CACNG3: variants seen among roughly 807,000 people sequenced by gnomAD.
CACNG3 encodes the protein voltage-dependent calcium channel gamma-3 subunit.
A neutral mutation model predicts 28.5 loss-of-function variants in CACNG3; 3 were observed. The observed-to-expected ratio is 0.11, with a 90% confidence interval of 0.05 to 0.27. CACNG3 has a LOEUF of 0.27. Among genes scored for constraint, CACNG3 ranks in the 10% least tolerant of loss-of-function variants. CACNG3 has a pLI of 1.00. For missense variants in CACNG3, 236 were observed against 414.4 expected (o/e 0.57, Z 3.74); for synonymous variants, 174 against 162.2 (o/e 1.07, Z -0.55).
chr16:24,287,874 C>T (rs955074922), intron 1 of CACNG3, among the ~76,000 whole-genome samples: 4 of 151,996 alleles, frequency 2.6e-5, no homozygotes, highest in Admixed American at 6.6e-5. Flanking sequence ...TTGGAGAGGC[C>T]GAGGGGAGAG....
intron 1 of CACNG3, among the ~76,000 whole-genome samples, chr16:24,280,450 C>T (rs1220779439): frequency 6.6e-6 from 1 of 152,148 alleles, no homozygotes; most frequent in African/African-American, 2.4e-5. Context: ...GAAGGATCGT[C>T]ATTTCTAATT....
At chr16:24,351,613 A>AGGG (rs1899941031) in intron 2 of CACNG3, among the ~76,000 whole-genome samples, 1 of 99,034 alleles carries the variant, frequency 1.0e-5, no homozygotes, top group Admixed American at 1.2e-4. Context: ...GGGGAAGGGG[A>AGGG]AGGGGAAGGA....
intron 1 of CACNG3, among the ~76,000 whole-genome samples, chr16:24,287,636 C>T (rs1469048043): frequency 6.6e-6 from 1 of 151,844 alleles, no homozygotes; most frequent in African/African-American, 2.4e-5. Context: ...CTCTCCAAGA[C>T]TCATGGTCTC....
rs560842663 is a variant in CACNG3 at position 24,326,201 on chromosome 16, C to T, written c.212-20533C>T. On this transcript the variant is annotated intron_variant, in intron 1 of 3. Coordinates refer to ENST00000005284, the MANE Select transcript of CACNG3 (RefSeq NM_006539.4). ...TTTTTTTTTTTTTGAGATGGAGTTTCGCTCTTGTTGCCCAGACTAGAGTGC... is the reference window on the plus strand; with the variant it reads ...TTTTTTTTTTTTTGAGATGGAGTTTTGCTCTTGTTGCCCAGACTAGAGTGC... Among the ~76,000 whole-genome samples, 5 of 143,146 alleles carry T rather than the reference C, an allele frequency of 3.5e-5. No homozygotes were observed. In the South Asian group the frequency reaches 6.5e-4, roughly 19 times the overall value. 93.9% of individuals were successfully genotyped at this position (143,146 alleles called of 152,430 possible). A position where few individuals can be genotyped will look rare whatever the true frequency, so the allele number is the denominator to read the frequency against.
intron 1 of CACNG3, among the ~76,000 whole-genome samples, chr16:24,328,621 C>T (rs920883985): frequency 6.6e-6 from 1 of 151,892 alleles, no homozygotes; most frequent in Non-Finnish European, 1.5e-5. Context: ...CAAGATATTT[C>T]GCATACTCAC....
intron 1 of CACNG3, among the ~76,000 whole-genome samples, chr16:24,266,968 C>CTTT (rs750145274): frequency 2.5e-4 from 34 of 137,358 alleles, no homozygotes; most frequent in African/African-American, 8.4e-4. Context: ...TTTTTAATTT[C>CTTT]TTTTTTTTTT....
At chr16:24,319,337 G>A (rs924264094) in intron 1 of CACNG3, among the ~76,000 whole-genome samples, 4 of 152,186 alleles carry the variant, frequency 2.6e-5, no homozygotes, top group African/African-American at 9.7e-5. Flanking sequence ...AGTTATCCTT[G>A]GCTACAAGGA....
intron 1 of CACNG3, among the ~76,000 whole-genome samples, chr16:24,310,130 G>C (rs1174329632): frequency 3.9e-5 from 6 of 152,198 alleles, no homozygotes; most frequent in Non-Finnish European, 1.5e-5. Context: ...GCATGAGGGA[G>C]GGAAGGATTC....
In CACNG3 at chr16:24,308,347, C is replaced by T. The variant is rs74400776; in HGVS notation, c.212-38387C>T. Among the ~76,000 whole-genome samples the T allele has an allele frequency of 8.9e-3, 1,351 of 152,226 alleles. 12 individuals carry two copies. The highest frequency in any genetic ancestry group is 0.025 in the African/African-American group (1,040 of 41,536). On this transcript the variant is annotated intron_variant, in intron 1 of 3. Transcript: ENST00000005284. ...TAGATGTGACTGTTCCAGAAGCTGC[C>T]TACTCTTCTAGTGCCTGCAGCAATC...
chr16:24,341,204 A>G (rs1343387851), intron 1 of CACNG3, among the ~76,000 whole-genome samples: 1 of 152,266 alleles, frequency 6.6e-6, no homozygotes, highest in Non-Finnish European at 1.5e-5. Flanking sequence ...GAAATATACA[A>G]AAATGCTAAA....
At chr16:24,305,366 G>A (rs1037512841) in intron 1 of CACNG3, among the ~76,000 whole-genome samples, 1 of 135,126 alleles carries the variant, frequency 7.4e-6, no homozygotes, top group East Asian at 2.1e-4. Context: ...GTGTGTGTGT[G>A]TAGACAGGTT....
At chr16:24,347,897 T>C (rs374521406) in intron 2 of CACNG3, among the ~76,000 whole-genome samples, 10 of 152,184 alleles carry the variant, frequency 6.6e-5, no homozygotes, top group African/African-American at 1.9e-4. Context: ...ATGGAGATTA[T>C]AATGTCATCC....
Position 24,308,302 on chromosome 16 carries a change from G to GTCCT in CACNG3, c.212-38431_212-38428dup, listed in dbSNP as rs544669206. On this transcript the variant is annotated intron_variant, in intron 1 of 3. Coordinates refer to ENST00000005284, the MANE Select transcript of CACNG3 (RefSeq NM_006539.4). ...GCCCCTGGCAGAAGCACCCTGTCTAGTCCTCATTGCTTCCTGGACTAGATG... is the reference window on the plus strand; with the variant it reads ...GCCCCTGGCAGAAGCACCCTGTCTAGTCCTTCCTCATTGCTTCCTGGACTAGATG... Among the ~76,000 whole-genome samples, 6 of 152,276 alleles carry GTCCT rather than the reference G, an allele frequency of 3.9e-5. No homozygotes were observed. In the South Asian group the frequency reaches 1.2e-3, roughly 32 times the overall value.
intron 2 of CACNG3, among the ~76,000 whole-genome samples, chr16:24,348,902 G>C (rs1899905267): frequency 6.6e-6 from 1 of 152,226 alleles, no homozygotes. Context: ...AAGTTCTTCA[G>C]AGAGGCCCAT....
At chr16:24,347,473 G>C (rs1899885569) in intron 2 of CACNG3, among the ~76,000 whole-genome samples, 1 of 152,182 alleles carries the variant, frequency 6.6e-6, no homozygotes, top group Admixed American at 6.5e-5. Context: ...AAAAATCTAA[G>C]GAACTTTCTC....
chr16:24,298,342 T>C (rs2141358709), intron 1 of CACNG3, among the ~76,000 whole-genome samples: 1 of 152,268 alleles, frequency 6.6e-6, no homozygotes, highest in South Asian at 2.1e-4. Flanking sequence ...TACCATAAAT[T>C]ATTTAGTTAA....
At chr16:24,358,565 G>A (rs1022441783) in intron 3 of CACNG3, among the ~76,000 whole-genome samples, 15 of 152,116 alleles carry the variant, frequency 9.9e-5, no homozygotes, top group Admixed American at 9.8e-4. Context: ...CTGCCCTCTT[G>A]CTATGAATCA....
In CACNG3 at chr16:24,278,725, C is replaced by T. The variant is rs185886270; in HGVS notation, c.211+21760C>T. The stretch of plus-strand genomic sequence containing the variant: ...ATTACATCTGACCCTTTTTAACAAC[C>T]CTTCATATCTCCATTTCACAGATTA... On this transcript the variant is annotated intron_variant, in intron 1 of 3. Coordinates refer to ENST00000005284, the MANE Select transcript of CACNG3 (RefSeq NM_006539.4). Among the ~76,000 whole-genome samples the T allele has an allele frequency of 5.9e-5, 9 of 152,080 alleles. No individual in the cohort carries two copies. In the East Asian group the frequency reaches 9.6e-4, roughly 16 times the overall value.
intron 2 of CACNG3, among the ~76,000 whole-genome samples, chr16:24,348,198 G>A (rs1319765505): frequency 6.6e-6 from 1 of 151,976 alleles, no homozygotes; most frequent in Non-Finnish European, 1.5e-5. Flanking sequence ...AGGAGTTCAA[G>A]ACCAGTCTGG....
Sources: gnomAD v4.1 joint callset for allele counts (sites outside exome capture counted in the v4.1 genomes callset) on GRCh38, gnomAD v4.1.1 for gene constraint, MANE v1.5 for transcripts, NCBI Gene and HGNC (gene_info 2026-07-23, HGNC 2026-07-21) for gene names.